Variants in L3MBTL3 observed in about 807,000 individuals in gnomAD.
L3MBTL3 encodes L3MBTL histone methyl-lysine binding protein 3, also known as lethal(3)malignant brain tumor-like protein 3.
A neutral mutation model predicts 102.3 loss-of-function variants in L3MBTL3; 27 were observed. The observed-to-expected ratio is 0.26, with a 90% confidence interval of 0.19 to 0.36. The LOEUF is 0.36. L3MBTL3 is among the 10% of genes least tolerant of loss of function. The probability of loss-of-function intolerance (pLI) is 1.00; values close to 1 mark genes in which losing one functional copy is unlikely to be tolerated. For missense variants in L3MBTL3, 798 were observed against 955.3 expected, an observed-to-expected ratio of 0.84 and a Z score of 2.17; for synonymous variants, 340 against 320.9, an observed-to-expected ratio of 1.06 and a Z score of -0.64.
chr6:130,040,318 C>T (rs547586026), intron 2 of L3MBTL3, among the ~76,000 whole-genome samples: 17 of 146,296 alleles, frequency 1.2e-4, no homozygotes, highest in Non-Finnish European at 2.1e-4. Flanking sequence ...ACGACAACAG[C>T]GAAACTCTGT....
chr6:130,095,084 A>C (rs889656965), intron 18 of L3MBTL3, among the ~76,000 whole-genome samples: 2 of 152,184 alleles, frequency 1.3e-5, no homozygotes, highest in African/African-American at 4.8e-5. Flanking sequence ...CTGTGATTCA[A>C]CTGGCATTTT....
At chr6:130,097,324 A>G (rs887218257) in intron 18 of L3MBTL3, among the ~76,000 whole-genome samples, 1 of 152,160 alleles carries the variant, frequency 6.6e-6, no homozygotes, top group African/African-American at 2.4e-5. Flanking sequence ...TTCTCTTTGG[A>G]TTAATTACTG....
At chr6:130,049,422 C>A (rs1382656578) in intron 4 of L3MBTL3, 29 bp downstream of exon 4, 1 of 1,347,752 alleles carries the variant, frequency 7.4e-7, no homozygotes, top group Non-Finnish European at 1.0e-6. Context: ...CATTTTATTT[C>A]TTGCTTTTGA....
intron 17 of L3MBTL3, among the ~76,000 whole-genome samples, chr6:130,093,844 A>G (rs1367428553): frequency 6.6e-6 from 1 of 152,222 alleles, no homozygotes; most frequent in East Asian, 1.9e-4. Flanking sequence ...AAGAGCATGG[A>G]GGGATCTGGA....
intron 7 of L3MBTL3, among the ~76,000 whole-genome samples, chr6:130,053,425 G>C (rs1189695206): frequency 6.6e-6 from 1 of 152,062 alleles, no homozygotes. Context: ...CACGAGGTCG[G>C]GAGATCGAGA....
intron 8 of L3MBTL3, among the ~76,000 whole-genome samples, chr6:130,055,631 CCTCCCTCCCTCCCT>C (rs1781440656): frequency 1.7e-5 from 1 of 60,368 alleles, no homozygotes; most frequent in Admixed American, 1.8e-4. Flanking sequence ...TGTCTCCCTC[CCTCCCTCCCTCCCT>C]CTCTCTCCCT....
intron 13 of L3MBTL3, 88 bp downstream of exon 13, chr6:130,071,215 C>G: frequency 8.6e-7 from 1 of 1,158,244 alleles, no homozygotes; most frequent in Non-Finnish European, 1.2e-6. Flanking sequence ...ACGCTTATAA[C>G]AAAAAAAAGC....
chr6:130,133,040 T>C lies in L3MBTL3; in HGVS notation c.1967-412T>C, dbSNP rs1582650034. Among the ~76,000 whole-genome samples, 2 of 152,154 alleles carry C rather than the reference T, an allele frequency of 1.3e-5. No homozygotes were observed. Among genetic ancestry groups the C allele is most frequent in the African/African-American group, 2.4e-5 (1 of 41,438 alleles). On this transcript the variant is annotated intron_variant, in intron 20 of 22. Transcript: ENST00000361794. The surrounding 1 kb of genome is among the most constrained non-coding windows in gnomAD (Gnocchi z 4.9). The stretch of plus-strand genomic sequence containing the variant: ...AGAAAGTATGCCAACTGTGAATACA[T>C]GGTAAGCACAGGTGTTAGACGTGAG...
intron 9 of L3MBTL3, among the ~76,000 whole-genome samples, chr6:130,057,783 A>C (rs1781605960): frequency 6.6e-6 from 1 of 152,178 alleles, no homozygotes; most frequent in African/African-American, 2.4e-5. Context: ...TACTACCACG[A>C]AACACTAGCA....
At chr6:130,083,891 A>C (rs1451450950) in intron 15 of L3MBTL3, among the ~76,000 whole-genome samples, 186 bp downstream of exon 15, 4 of 152,138 alleles carry the variant, frequency 2.6e-5, no homozygotes, top group Non-Finnish European at 5.9e-5. Context: ...TGTTGTTGTC[A>C]TCCAAAAAAA....
intron 19 of L3MBTL3, among the ~76,000 whole-genome samples, chr6:130,120,487 A>G (rs950774692): frequency 2.6e-5 from 4 of 152,212 alleles, no homozygotes; most frequent in Admixed American, 6.5e-5. Context: ...GCTGAGTCGT[A>G]TATAGTGATT....
Position 130,104,540 on chromosome 6 carries a change from A to G in L3MBTL3, c.1851A>G (p.Thr617=). ...ASPSFPRNKR[T]DANESSSSPE... The stretch of plus-strand genomic sequence containing the variant: ...CGTCATTTCCAAGAAATAAAAGGAC[A>G]GATGCAAATGAAAGCTCTTCTTCCC... Residue 617 remains threonine, a synonymous_variant, in exon 19 of 23, where the codon ACA becomes ACG. Coordinates refer to ENST00000361794, the MANE Select transcript of L3MBTL3 (RefSeq NM_032438.4). 1 of 1,589,334 alleles carries G rather than the reference A, an allele frequency of 6.3e-7. No homozygotes were observed. The highest frequency in any genetic ancestry group is 1.8e-5 in the Admixed American group (1 of 55,920).
chr6:130,073,771 C>A (rs2115028228), intron 13 of L3MBTL3, among the ~76,000 whole-genome samples: 1 of 152,128 alleles, frequency 6.6e-6, no homozygotes, highest in African/African-American at 2.4e-5. Flanking sequence ...TAAAAAGATC[C>A]TGGGTTCTAA....
Position 130,078,642 on chromosome 6 carries a change from T to TG in L3MBTL3, c.1321+8_1321+9insG, listed in dbSNP as rs1263520870. The TG allele has an allele frequency of 6.4e-7, 1 of 1,566,844 alleles. No homozygotes were observed. Among genetic ancestry groups the TG allele is most frequent in the South Asian group, 1.1e-5 (1 of 89,532 alleles). On this transcript the variant is annotated intron_variant, in intron 14 of 22. Coordinates refer to ENST00000361794, the MANE Select transcript of L3MBTL3 (RefSeq NM_032438.4). ...CCCTTATTACTCCACCAGGTGTGTGTTTTTTTAATGTGGCTAATACTATTC... is the reference window on the plus strand; with the variant it reads ...CCCTTATTACTCCACCAGGTGTGTGTGTTTTTTAATGTGGCTAATACTATTC...
intron 22 of L3MBTL3, chr6:130,138,062 TGAA>T (rs1401928664): frequency 6.6e-6 from 1 of 152,238 alleles, no homozygotes; most frequent in East Asian, 1.9e-4. Context: ...AATTGTTACT[TGAA>T]GAAGTTGTGT....
chr6:130,081,422 A>AC (rs1783334042), intron 14 of L3MBTL3, among the ~76,000 whole-genome samples: 2 of 145,162 alleles, frequency 1.4e-5, no homozygotes, highest in East Asian at 4.0e-4. Context: ...TATTAACTCC[A>AC]TTTTTTTTTT....
intron 20 of L3MBTL3, among the ~76,000 whole-genome samples, chr6:130,128,029 A>G (rs559470810): frequency 1.7e-4 from 26 of 152,308 alleles, no homozygotes; most frequent in South Asian, 6.2e-4. Context: ...TGCAGTTTGC[A>G]TAAGTATTTA....
At chr6:130,129,417 C>T (rs923761583) in intron 20 of L3MBTL3, among the ~76,000 whole-genome samples, 3 of 152,292 alleles carry the variant, frequency 2.0e-5, no homozygotes, top group African/African-American at 7.2e-5. Context: ...TAATTCTTAT[C>T]TTTCCACTGT....
rs745443520 is a variant in L3MBTL3, at chr6:130,060,035, G to T, written c.760-1G>T. On this transcript the variant is annotated splice_acceptor_variant, in intron 9 of 22. Coordinates refer to ENST00000361794, the MANE Select transcript of L3MBTL3 (RefSeq NM_032438.4). LOFTEE classifies it high-confidence loss of function. Reference sequence around the variant, plus strand: ...AAAACTGCTCTCATTTTGCATTTTAGCATCAATCCTTTCCATATAACAAAA... The same window carrying T: ...AAAACTGCTCTCATTTTGCATTTTATCATCAATCCTTTCCATATAACAAAA... 1 of 1,596,250 alleles carries T rather than the reference G, an allele frequency of 6.3e-7. No individual in the cohort carries two copies. The highest frequency in any genetic ancestry group is 1.1e-5 in the South Asian group (1 of 90,548).
Sources: allele counts gnomAD v4.1 joint callset (sites outside exome capture counted in the v4.1 genomes callset), GRCh38; gene constraint gnomAD v4.1.1; non-coding constraint Gnocchi (gnomAD v3.1); transcripts MANE v1.5; gene names NCBI Gene and HGNC (gene_info 2026-07-23, HGNC 2026-07-21).